CP: variants seen among roughly 807,000 people sequenced by gnomAD.
CP encodes caeruloplasmin.
In CP, 64 loss-of-function variants were observed where a neutral mutation model predicts 122.4. That is an observed-to-expected ratio of 0.52 (90% CI 0.43 to 0.64). The LOEUF (loss-of-function observed/expected upper bound fraction) is 0.64. CP is among the 30% of genes least tolerant of loss of function. CP has a pLI of 0.00. For missense variants in CP, 1,167 were observed against 1,284.4 expected (o/e 0.91, Z 1.40); for synonymous variants, 440 against 436.4 (o/e 1.01, Z -0.10).
intron 9 of CP, among the ~76,000 whole-genome samples, chr3:149,193,612 T>A (rs60534399): frequency 0.098 from 14,855 of 152,262 alleles, 2,040 homozygotes; most frequent in African/African-American, 0.31. Context: ...GATATTTTTT[T>A]AAAAAGAATA....
exon 6 of CP, chr3:149,162,852 A>G (rs1248391070): frequency 6.2e-7 from 1 of 1,613,852 alleles, no homozygotes; most frequent in Non-Finnish European, 8.5e-7. Context: ...TCCTGACACC[A>G]CACCATTGCG....
chr3:149,178,717 A>G, intron 15 of CP, 86 bp from the exon 16 acceptor site: 1 of 960,688 alleles, frequency 1.0e-6, no homozygotes, highest in East Asian at 2.6e-5. Flanking sequence ...GGCCTCAGGA[A>G]TTTTGGAGAG....
At chr3:149,201,785 G>A (rs1378011477) in intron 7 of CP, among the ~76,000 whole-genome samples, 2 of 151,912 alleles carry the variant, frequency 1.3e-5, no homozygotes, top group Non-Finnish European at 1.5e-5. Flanking sequence ...TAGTAAAGAT[G>A]GGGTTTCACC....
In CP at chr3:149,221,710, A is replaced by C. The variant is rs768274983; in HGVS notation, c.83T>G (p.Ile28Ser). Residue 28 changes from isoleucine to serine, a missense_variant, in exon 1 of 19, where the codon ATT becomes AGT. By Grantham distance (142) the Ile-to-Ser change is moderately radical. Coordinates refer to ENST00000264613, the MANE Select transcript of CP (RefSeq NM_000096.4). ...GGCATAATCCCAAGTCGTTTCAATA[A>C]TTCCAATGTAATAATGCTTTTCTTT... ...WAKEKHYYIGIIETTWDYASD... is the reference protein window; with the variant it reads ...WAKEKHYYIGSIETTWDYASD... 2 of 1,613,280 alleles carry C rather than the reference A, an allele frequency of 1.2e-6. No individual in the cohort carries two copies. The highest frequency in any genetic ancestry group is 1.7e-6 in the Non-Finnish European group (2 of 1,179,712).
chr3:149,214,991 A>T (rs907058993), intron 1 of CP, among the ~76,000 whole-genome samples: 3 of 152,170 alleles, frequency 2.0e-5, no homozygotes, highest in African/African-American at 7.2e-5. Flanking sequence ...AATCAATCTC[A>T]CAGAGACTTG....
chr3:149,218,199 T>TA (rs1419957597), intron 1 of CP, among the ~76,000 whole-genome samples: 1 of 152,238 alleles, frequency 6.6e-6, no homozygotes, highest in African/African-American at 2.4e-5. Flanking sequence ...TTTTTGCTAT[T>TA]ATATAGTCAA....
chr3:149,186,472 A>T (rs1726177462), intron 11 of CP, 48 bp downstream of exon 11: 1 of 1,579,532 alleles, frequency 6.3e-7, no homozygotes, highest in East Asian at 2.2e-5. Context: ...TTTTAAACCA[A>T]AACTACACAA....
At position 149,176,397 on chromosome 3, in the gene CP, T is replaced by G. The variant is rs1190526961; in HGVS notation, c.3034A>C (p.Ser1012Arg). The change falls in exon 18 of 19, where the codon AGT becomes CGT. Residue 1012 changes from serine (S) to arginine (R), a missense_variant. Transcript: ENST00000264613. ...SFQYKHRGVY[S>R]SDVFDIFPGT... ...GGGAAAATGTCAAAGACATCAGAACTATAAACTCCCCTGTGCTTAATTAGA... is the reference window on the plus strand; with the variant it reads ...GGGAAAATGTCAAAGACATCAGAACGATAAACTCCCCTGTGCTTAATTAGA... 3 of 1,610,410 alleles carry G rather than the reference T, an allele frequency of 1.9e-6. No individual in the cohort carries two copies. Among genetic ancestry groups the G allele is most frequent in the Non-Finnish European group, 2.5e-6 (3 of 1,176,760 alleles).
intron 5 of CP, among the ~76,000 whole-genome samples, chr3:149,165,577 A>T (rs1724335941): frequency 6.6e-6 from 1 of 152,110 alleles, no homozygotes; most frequent in Non-Finnish European, 1.5e-5. Context: ...CCTGGGCTCA[A>T]GCAAGCCTCC....
At position 149,194,906 on chromosome 3, in the gene CP, A is replaced by G. The variant is rs572040453; in HGVS notation, c.1713+3461T>C. 9.2e-5 allele frequency among the ~76,000 whole-genome samples: 14 copies of G among 152,324 alleles called. No individual in the cohort carries two copies. In the South Asian group the frequency reaches 2.3e-3, roughly 25 times the overall value. ...AGAGAAATGAGACATAGCTATAGCC[A>G]TGAAACATATTAAAGGGCTCTCCTA... On this transcript the variant is annotated intron_variant, in intron 9 of 18. Transcript: ENST00000264613.
chr3:149,213,943 T>A (rs1728283590), intron 1 of CP, among the ~76,000 whole-genome samples: 1 of 152,206 alleles, frequency 6.6e-6, no homozygotes, highest in African/African-American at 2.4e-5. Flanking sequence ...TGCACAGGAA[T>A]CTACTGATGA....
At chr3:149,192,938 A>G (rs2108257093) in intron 9 of CP, among the ~76,000 whole-genome samples, 1 of 151,964 alleles carries the variant, frequency 6.6e-6, no homozygotes, top group African/African-American at 2.4e-5. Context: ...AAACTTTTCT[A>G]TTGCAACCAC....
At chr3:149,177,761 T>C (rs1486449262) in intron 17 of CP, 79 bp downstream of exon 17, 2 of 1,493,210 alleles carry the variant, frequency 1.3e-6, no homozygotes, top group Non-Finnish European at 9.3e-7. Flanking sequence ...TTCATAAGTC[T>C]CTCTGAGAAA....
At chr3:149,200,401 T>C (rs1727220411) in intron 7 of CP, among the ~76,000 whole-genome samples, 1 of 152,230 alleles carries the variant, frequency 6.6e-6, no homozygotes, top group South Asian at 2.1e-4. Flanking sequence ...TCTGTTCTTC[T>C]GAGTGTATGT....
chr3:149,176,114 G>A, intron 18 of CP, 136 bp downstream of exon 18: 1 of 841,346 alleles, frequency 1.2e-6, no homozygotes, highest in South Asian at 1.6e-5. Flanking sequence ...TGGAGGTAGA[G>A]AAGGAAGAAA....
At chr3:149,180,654 A>G (rs1725717949) in intron 14 of CP, among the ~76,000 whole-genome samples, 1 of 152,232 alleles carries the variant, frequency 6.6e-6, no homozygotes, top group Non-Finnish European at 1.5e-5. Flanking sequence ...TTTTTCTTCA[A>G]GCCTCAGTCT....
chr3:149,174,655 C>T (rs1167823145), intron 18 of CP, among the ~76,000 whole-genome samples: 2 of 152,006 alleles, frequency 1.3e-5, no homozygotes, highest in African/African-American at 4.8e-5. Context: ...ATATATAGTC[C>T]CTGCCTGTAA....
rs34145911 is a variant in CP at position 149,202,908 on chromosome 3, CTTT to C, written c.1209-670_1209-668del. On this transcript the variant is annotated intron_variant, in intron 6 of 18. Transcript: ENST00000264613. Reference sequence around the variant, plus strand: ...ACAGGCATGAGCCACCATGCCTGGCCTTTTTTTTTTTTTTTTCAGGTGGAGTCT... The same window carrying C: ...ACAGGCATGAGCCACCATGCCTGGCCTTTTTTTTTTTTTCAGGTGGAGTCT... Among the ~76,000 whole-genome samples, 78 of 110,348 alleles carry C rather than the reference CTTT, an allele frequency of 7.1e-4. 1 individual carries two copies. The highest frequency in any genetic ancestry group is 2.6e-3 in the African/African-American group (74 of 28,318). 72.4% of individuals were successfully genotyped at this position (110,348 alleles called of 152,430 possible). A position where few individuals can be genotyped will look rare whatever the true frequency, so the allele number is the denominator to read the frequency against.
chr3:149,191,868 C>T (rs865891635), intron 9 of CP, among the ~76,000 whole-genome samples: 2 of 151,500 alleles, frequency 1.3e-5, no homozygotes, highest in Non-Finnish European at 2.9e-5. Flanking sequence ...ACATGCAGGA[C>T]GAATATGAAA....
Sources: allele counts gnomAD v4.1 joint callset (sites outside exome capture counted in the v4.1 genomes callset), GRCh38; gene constraint gnomAD v4.1.1; transcripts MANE v1.5; gene names NCBI Gene and HGNC (gene_info 2026-07-23, HGNC 2026-07-21).